Variants in RNASE4 observed in about 807,000 individuals in gnomAD.
RNASE4 encodes the protein ribonuclease A family member 4, also known as ribonuclease 4.
For synonymous variants in RNASE4, 93 were observed against 71.4 expected (o/e 1.30, Z -1.52); for missense variants, 194 against 192.8 (o/e 1.01, Z -0.04).
chr14:20,695,394 C>CAAA (rs552960263), intron 1 of RNASE4, among the ~76,000 whole-genome samples: 2,165 of 114,564 alleles, frequency 0.019, 57 homozygotes, highest in African/African-American at 0.064. Context: ...GACTCCATCT[C>CAAA]AAAAAAAAAA....
rs534674126 is a variant in RNASE4, at chr14:20,690,434, G to T, written c.-18+5676G>T. Among the ~76,000 whole-genome samples, 7 of 152,118 alleles carry T rather than the reference G, an allele frequency of 4.6e-5. No homozygotes were observed. In the East Asian group the frequency reaches 1.4e-3, roughly 29 times the overall value. ...ACCACAAACGATCTGTCTCTTACTG[G>T]TTTTCTCCCAATTCCATTTTACCTT... On this transcript the variant is annotated intron_variant, in intron 1 of 1. Coordinates refer to ENST00000555835, the MANE Select transcript of RNASE4 (RefSeq NM_002937.5).
At chr14:20,689,415 G>A (rs1296026120) in intron 1 of RNASE4, among the ~76,000 whole-genome samples, 1 of 152,152 alleles carries the variant, frequency 6.6e-6, no homozygotes, top group Admixed American at 6.5e-5. Context: ...TTACTTTGGG[G>A]GATTTTGCCC....
In RNASE4 at chr14:20,695,409, A is replaced by AG. The variant is rs1454839010; in HGVS notation, c.-17-3946_-17-3945insG. On this transcript the variant is annotated intron_variant, in intron 1 of 1. Transcript: ENST00000555835. ...GACTCCATCTCAAAAAAAAAAAAAA[A>AG]AGAAAGATCCCAGTTTATCCCAGTT... Among the ~76,000 whole-genome samples the AG allele has an allele frequency of 2.0e-5, 3 of 151,658 alleles. No homozygotes were observed. In the East Asian group the frequency reaches 5.8e-4, roughly 29 times the overall value.
chr14:20,698,707 A>G (rs1372194002), intron 1 of RNASE4, among the ~76,000 whole-genome samples: 2 of 152,172 alleles, frequency 1.3e-5, no homozygotes, highest in Non-Finnish European at 2.9e-5. Flanking sequence ...TATAACATAT[A>G]TTATTCTAGA....
At chr14:20,687,664 T>C (rs1886488640) in intron 1 of RNASE4, among the ~76,000 whole-genome samples, 1 of 152,224 alleles carries the variant, frequency 6.6e-6, no homozygotes, top group African/African-American at 2.4e-5. Context: ...GCAGAGCATA[T>C]TTACATAATG....
At chr14:20,685,016 G>A (rs1424180378) in intron 1 of RNASE4, among the ~76,000 whole-genome samples, 2 of 152,176 alleles carry the variant, frequency 1.3e-5, no homozygotes, top group Admixed American at 6.5e-5. Context: ...GGCTTGGAGG[G>A]GGACCACAGA....
At chr14:20,688,867 C>T in intron 1 of RNASE4, 3 of 984,914 alleles carry the variant, frequency 3.0e-6, no homozygotes, top group South Asian at 4.7e-5. Context: ...TAAGATTCTT[C>T]CTCCTGGGTA....
chr14:20,693,518 T>C, intron 1 of RNASE4: 1 of 1,606,590 alleles, frequency 6.2e-7, no homozygotes, highest in Non-Finnish European at 8.5e-7. Context: ...TGTTCTTGGG[T>C]CTACCACACC....
chr14:20,685,569 C>T (rs76758305), intron 1 of RNASE4, among the ~76,000 whole-genome samples: 7,052 of 152,252 alleles, frequency 0.046, 255 homozygotes, highest in East Asian at 0.14. Context: ...ACAAGTTTTG[C>T]AAGAGGATAG....
chr14:20,686,720 T>C (rs1345292541), intron 1 of RNASE4, among the ~76,000 whole-genome samples: 1 of 152,230 alleles, frequency 6.6e-6, no homozygotes, highest in Non-Finnish European at 1.5e-5. Flanking sequence ...CCTGGAGACG[T>C]GGTTCTTCTT....
chr14:20,699,551 G>T lies in RNASE4; in HGVS notation c.180G>T (p.Arg60=), dbSNP rs1290967561. 1 of 1,614,198 alleles carries T rather than the reference G, an allele frequency of 6.2e-7. No homozygotes were observed. The highest frequency in any genetic ancestry group is 2.2e-5 in the East Asian group (1 of 44,892). The change falls in exon 2 of 2, where the codon CGG becomes CGT. Residue 60 remains arginine, a synonymous_variant. Transcript: ENST00000555835. ...ACTGCAACTTGATGATGCAAAGACG[G>T]AAGATGACTTTGTATCACTGCAAGC... ...DRYCNLMMQR[R]KMTLYHCKRF... is the part of the protein sequence containing the mutation.
At chr14:20,686,363 G>A (rs897843843) in intron 1 of RNASE4, among the ~76,000 whole-genome samples, 4 of 152,216 alleles carry the variant, frequency 2.6e-5, no homozygotes, top group Admixed American at 6.5e-5. Context: ...TTATAAGCAG[G>A]CAAGAGTAAG....
chr14:20,696,130 CATT>C (rs928194129), intron 1 of RNASE4, among the ~76,000 whole-genome samples: 1 of 152,154 alleles, frequency 6.6e-6, no homozygotes, highest in Non-Finnish European at 1.5e-5. Flanking sequence ...AGGCATGGAC[CATT>C]ATTATATTGA....
intron 1 of RNASE4, among the ~76,000 whole-genome samples, chr14:20,698,124 A>G (rs17211649): frequency 0.039 from 5,883 of 152,210 alleles, 190 homozygotes; most frequent in Non-Finnish European, 0.055. Context: ...TAATCTGTCA[A>G]TGAAAGCAAT....
chr14:20,692,591 T>C (rs1367528695), intron 1 of RNASE4, among the ~76,000 whole-genome samples: 3 of 152,214 alleles, frequency 2.0e-5, no homozygotes, highest in Admixed American at 6.5e-5. Context: ...TTGTGCACTC[T>C]TTATGAGAAT....
In RNASE4 at chr14:20,688,805, G is replaced by C. The variant is rs991875311; in HGVS notation, c.-18+4047G>C. On this transcript the variant is annotated intron_variant, in intron 1 of 1. Transcript: ENST00000555835. Reference sequence around the variant, plus strand: ...TCACACAACTGGAACCCATCTCCAGGAACAAACAGCTGGAACCCATCTCCC... The same window carrying C: ...TCACACAACTGGAACCCATCTCCAGCAACAAACAGCTGGAACCCATCTCCC... The C allele has an allele frequency of 1.7e-5, 17 of 985,192 alleles. No individual in the cohort carries two copies. The Admixed American group carries it at 5.5e-4, about 32-fold the overall frequency. The allele number at this position is 985,192 out of a possible 1,614,324, so 61.0% of individuals were successfully genotyped here. A position where few individuals can be genotyped will look rare whatever the true frequency, so the allele number is the denominator to read the frequency against.
rs1185978747 is a variant in RNASE4 at position 20,700,081 on chromosome 14, T to C, written c.*266T>C. The C allele has an allele frequency of 6.7e-6, 3 of 448,984 alleles. No individual in the cohort carries two copies. The highest frequency in any genetic ancestry group is 1.2e-5 in the Non-Finnish European group (3 of 242,362). The allele number at this position is 448,984 out of a possible 1,614,324, so 27.8% of individuals were successfully genotyped here. A position where few individuals can be genotyped will look rare whatever the true frequency, so the allele number is the denominator to read the frequency against. ...CTCTCTCAGATCCTATCCTGTGGAA[T>C]TTAGTTATTATGTGTATTTATGTAG... On this transcript the variant is annotated 3_prime_UTR_variant, in exon 2 of 2. Coordinates refer to ENST00000555835, the MANE Select transcript of RNASE4 (RefSeq NM_002937.5).
intron 1 of RNASE4, among the ~76,000 whole-genome samples, chr14:20,697,769 G>T (rs1477315000): frequency 6.6e-6 from 1 of 152,188 alleles, no homozygotes; most frequent in Non-Finnish European, 1.5e-5. Flanking sequence ...GAGTTGGGCT[G>T]CCTGACTCTC....
intron 1 of RNASE4, among the ~76,000 whole-genome samples, chr14:20,694,840 A>C (rs931749086): frequency 1.3e-5 from 2 of 152,158 alleles, no homozygotes; most frequent in Non-Finnish European, 2.9e-5. Context: ...CAACATACCA[A>C]CAGATTATTA....
Sources: allele counts gnomAD v4.1 joint callset (sites outside exome capture counted in the v4.1 genomes callset), GRCh38; gene constraint gnomAD v4.1.1; transcripts MANE v1.5; gene names NCBI Gene and HGNC (gene_info 2026-07-23, HGNC 2026-07-21).